CASR: variants seen among roughly 807,000 people sequenced by gnomAD.
CASR encodes extracellular calcium-sensing receptor.
A neutral mutation model predicts 69.1 loss-of-function variants in CASR; 23 were observed. The ratio of observed to expected loss-of-function variants is 0.33; its 90% confidence interval spans 0.24 to 0.47. CASR has a LOEUF of 0.47. Among genes scored for constraint, CASR ranks in the 20% least tolerant of loss-of-function variants. CASR has a pLI of 1.00. For synonymous variants in CASR, 541 were observed against 544.7 expected (o/e 0.99, Z 0.10); for missense variants, 924 against 1,356.1 (o/e 0.68, Z 5.00).
Position 122,286,548 on chromosome 3 carries a change from A to G in CASR, c.*1357A>G, listed in dbSNP as rs1475941853. On this transcript the variant is annotated 3_prime_UTR_variant, in exon 7 of 7. Coordinates refer to ENST00000639785, the MANE Select transcript of CASR (RefSeq NM_000388.4). ...CCTTACTTCAAATACAAAACAAAACATACATATTAACCATTCAGATTGTAC... is the reference window on the plus strand; with the variant it reads ...CCTTACTTCAAATACAAAACAAAACGTACATATTAACCATTCAGATTGTAC... The G allele has an allele frequency of 6.6e-6, 1 of 152,218 alleles. No homozygotes were observed. The highest frequency in any genetic ancestry group is 1.5e-5 in the Non-Finnish European group (1 of 68,032). 9.4% of individuals were successfully genotyped at this position (152,218 alleles called of 1,614,324 possible).
At chr3:122,263,040 C>G (rs945837490) in intron 4 of CASR, among the ~76,000 whole-genome samples, 2 of 152,196 alleles carry the variant, frequency 1.3e-5, no homozygotes, top group African/African-American at 2.4e-5. Context: ...CTTGTTTAGC[C>G]TTGTTTTGTA....
intron 1 of CASR, among the ~76,000 whole-genome samples, chr3:122,250,998 C>G (rs956620137): frequency 6.6e-6 from 1 of 152,186 alleles, no homozygotes; most frequent in East Asian, 1.9e-4. Flanking sequence ...AACATATGAC[C>G]AGGGTCCAAG....
At chr3:122,276,601 G>A (rs756801918) in intron 5 of CASR, among the ~76,000 whole-genome samples, 1 of 152,220 alleles carries the variant, frequency 6.6e-6, no homozygotes, top group Non-Finnish European at 1.5e-5. Context: ...CCAAAATGGA[G>A]CTGGATGTTT....
Position 122,291,605 on chromosome 3 carries a change from A to C in CASR, c.*6414A>C, listed in dbSNP as rs1294882971. On this transcript the variant is annotated 3_prime_UTR_variant, in exon 7 of 7. Transcript: ENST00000639785. ...ATTAAGCACAAAATTATAACAGGAA[A>C]ATAAAGAAAAGAATTTAAAATAAAC... 6.6e-6 allele frequency: 1 copy of C among 152,334 alleles called. No homozygotes were observed. The highest frequency in any genetic ancestry group is 3.4e-3 in the Middle Eastern group (1 of 294). 9.4% of individuals were successfully genotyped at this position (152,334 alleles called of 1,614,324 possible).
rs1373783659 is a variant in CASR at position 122,275,922 on chromosome 3, C to G, written c.1488C>G (p.Leu496=). ...VGNYSIINWH[L]SPEDGSIVFK... ...ACTATTCCATCATCAACTGGCACCT[C>G]TCCCCAGAGGATGGCTCCATCGTGT... The change falls in exon 5 of 7, where the codon CTC becomes CTG. Residue 496 remains leucine (L), a synonymous_variant. Coordinates refer to ENST00000639785, the MANE Select transcript of CASR (RefSeq NM_000388.4). 6.2e-7 allele frequency: 1 copy of G among 1,613,780 alleles called. No homozygotes were observed. Among genetic ancestry groups the G allele is most frequent in the East Asian group, 2.2e-5 (1 of 44,898 alleles).
intron 4 of CASR, among the ~76,000 whole-genome samples, chr3:122,274,070 C>T (rs906417020): frequency 6.6e-6 from 1 of 152,150 alleles, no homozygotes; most frequent in African/African-American, 2.4e-5. Flanking sequence ...CAGGAGAAGA[C>T]GAGGGACACA....
intron 4 of CASR, among the ~76,000 whole-genome samples, chr3:122,264,238 C>A (rs2074661422): frequency 6.6e-6 from 1 of 152,188 alleles, no homozygotes; most frequent in South Asian, 2.1e-4. Flanking sequence ...CACTAAAAAT[C>A]TCAGAAGTGT....
intron 1 of CASR, among the ~76,000 whole-genome samples, chr3:122,189,402 T>C (rs2073819249): frequency 6.6e-6 from 1 of 152,206 alleles, no homozygotes; most frequent in Admixed American, 6.5e-5. Context: ...CCAGGGTCTT[T>C]CCTCACATTG....
At chr3:122,187,184 T>A (rs1333223387) in intron 1 of CASR, among the ~76,000 whole-genome samples, 1 of 152,188 alleles carries the variant, frequency 6.6e-6, no homozygotes, top group Non-Finnish European at 1.5e-5. Context: ...CTAAATAGAT[T>A]CTTTAGGTGA....
chr3:122,262,226 G>T lies in CASR; in HGVS notation c.1191G>T (p.Gly397=). 6.2e-7 allele frequency: 1 copy of T among 1,614,134 alleles called. No homozygotes were observed. The highest frequency in any genetic ancestry group is 8.5e-7 in the Non-Finnish European group (1 of 1,179,998). Residue 397 remains glycine, a synonymous_variant, in exon 4 of 7, where the codon GGG becomes GGT. Coordinates refer to ENST00000639785, the MANE Select transcript of CASR (RefSeq NM_000388.4). ...CAGCCTTCCGACCCCTCTGTACAGG[G>T]GATGAGAACATCAGCAGTGTCGAGA... ...SSTAFRPLCT[G]DENISSVETP...
chr3:122,205,727 T>G (rs1486265111), intron 1 of CASR, among the ~76,000 whole-genome samples: 1 of 152,064 alleles, frequency 6.6e-6, no homozygotes, highest in Non-Finnish European at 1.5e-5. Flanking sequence ...TTTTTGTGTG[T>G]GTCCTCTTCA....
chr3:122,208,473 G>T (rs1204625122), intron 1 of CASR, among the ~76,000 whole-genome samples: 2 of 152,124 alleles, frequency 1.3e-5, no homozygotes, highest in East Asian at 1.9e-4. Flanking sequence ...GAAACCTCTG[G>T]GAAAATGATA....
intron 4 of CASR, among the ~76,000 whole-genome samples, chr3:122,268,547 C>A (rs954690699): frequency 6.6e-5 from 10 of 152,210 alleles, no homozygotes; most frequent in African/African-American, 2.4e-4. Flanking sequence ...TGTCCTGACA[C>A]CTCGGTCCTT....
chr3:122,192,277 C>T (rs951921721), intron 1 of CASR, among the ~76,000 whole-genome samples: 1 of 152,188 alleles, frequency 6.6e-6, no homozygotes, highest in Non-Finnish European at 1.5e-5. Flanking sequence ...ACTTTGGAAC[C>T]TCTCCAGGCT....
intron 4 of CASR, among the ~76,000 whole-genome samples, chr3:122,273,931 A>G (rs2074786821): frequency 1.3e-5 from 2 of 152,196 alleles, no homozygotes; most frequent in Admixed American, 1.3e-4. Context: ...GAGGAGGGAT[A>G]GGAAGCGGAG....
At position 122,288,057 on chromosome 3, in the gene CASR, T is replaced by C. The variant is rs1287838208; in HGVS notation, c.*2866T>C. On this transcript the variant is annotated 3_prime_UTR_variant, in exon 7 of 7. Coordinates refer to ENST00000639785, the MANE Select transcript of CASR (RefSeq NM_000388.4). Reference sequence around the variant, plus strand: ...ATGGCAAGGGTGAATTAAAGTATAGTGGAATTAAGATTGCTAATCAGCTGA... The same window carrying C: ...ATGGCAAGGGTGAATTAAAGTATAGCGGAATTAAGATTGCTAATCAGCTGA... 1.3e-5 allele frequency: 2 copies of C among 152,202 alleles called. No homozygotes were observed. The highest frequency in any genetic ancestry group is 2.4e-5 in the African/African-American group (1 of 41,442). 9.4% of individuals were successfully genotyped at this position (152,202 alleles called of 1,614,324 possible).
chr3:122,245,011 G>A (rs6438714), intron 1 of CASR, among the ~76,000 whole-genome samples: 126,565 of 152,112 alleles, frequency 0.83, 53,099 homozygotes, highest in Admixed American at 0.88. Context: ...TAAAAGTAAT[G>A]TACTTGTCTG....
At chr3:122,206,445 AT>A (rs1173584148) in intron 1 of CASR, among the ~76,000 whole-genome samples, 75 of 151,954 alleles carry the variant, frequency 4.9e-4, no homozygotes, top group East Asian at 3.9e-4. Context: ...ATGGTGAATG[AT>A]TTTTTTAATG....
In CASR at chr3:122,287,418, C is replaced by T. The variant is rs1023083958; in HGVS notation, c.*2227C>T. 5 of 152,234 alleles carry T rather than the reference C, an allele frequency of 3.3e-5. No homozygotes were observed. The highest frequency in any genetic ancestry group is 7.3e-5 in the Non-Finnish European group (5 of 68,042). 9.4% of individuals were successfully genotyped at this position (152,234 alleles called of 1,614,324 possible). On this transcript the variant is annotated 3_prime_UTR_variant, in exon 7 of 7. Coordinates refer to ENST00000639785, the MANE Select transcript of CASR (RefSeq NM_000388.4). ...CAAAATCAGGGGTGTGAAATATGAA[C>T]TTGCATTGTTTTTCTACAACAACTT...
Sources: allele counts gnomAD v4.1 joint callset (sites outside exome capture counted in the v4.1 genomes callset), GRCh38; gene constraint gnomAD v4.1.1; transcripts MANE v1.5; gene names NCBI Gene and HGNC (gene_info 2026-07-23, HGNC 2026-07-21).